Variants in PALLD observed in about 807,000 individuals in gnomAD.
PALLD encodes the protein palladin.
In PALLD, 61 loss-of-function variants were observed where a neutral mutation model predicts 123.5. The ratio of observed to expected loss-of-function variants is 0.49; its 90% CI spans 0.40 to 0.61. The LOEUF (loss-of-function observed/expected upper bound fraction) is 0.61, where lower values mean the gene tolerates loss of function less well. PALLD is among the 20% of genes least tolerant of loss of function. PALLD has a pLI of 0.00. For synonymous variants in PALLD, 465 were observed against 496.4 expected (o/e 0.94, Z 0.84); for missense variants, 1,273 against 1,377.0 (o/e 0.92, Z 1.20).
chr4:168,548,678 A>G (rs1766422501), intron 2 of PALLD, among the ~76,000 whole-genome samples: 1 of 152,246 alleles, frequency 6.6e-6, no homozygotes, highest in Admixed American at 6.5e-5. Flanking sequence ...TGAAGTTCAA[A>G]GCTCTGGGGA....
chr4:168,751,178 A>T (rs1047413442), intron 10 of PALLD, among the ~76,000 whole-genome samples: 2 of 151,640 alleles, frequency 1.3e-5, no homozygotes, highest in Non-Finnish European at 2.9e-5. Context: ...ATGCCTGGCT[A>T]ATTTTGTATT....
intron 2 of PALLD, among the ~76,000 whole-genome samples, chr4:168,521,303 A>G (rs1763540066): frequency 6.6e-6 from 1 of 152,190 alleles, no homozygotes; most frequent in Non-Finnish European, 1.5e-5. Context: ...GAGGTTCTAG[A>G]ATCAGAATGT....
chr4:168,515,787 A>G (rs1561198025), intron 2 of PALLD, among the ~76,000 whole-genome samples: 1 of 152,228 alleles, frequency 6.6e-6, no homozygotes, highest in Non-Finnish European at 1.5e-5. Flanking sequence ...GCAGAATCTT[A>G]GTGACTCAAC....
chr4:168,536,945 A>G lies in PALLD; in HGVS notation c.908+24533A>G, dbSNP rs191288579. On this transcript the variant is annotated intron_variant, in intron 2 of 21. Coordinates refer to ENST00000505667, the MANE Select transcript of PALLD (RefSeq NM_001166108.2). ...GGGGTTCAAGCTATTCTCCTGCCTC[A>G]GCCTCCCGAGTAGCTGGGACTATAG... 8.1e-3 allele frequency among the ~76,000 whole-genome samples: 1,228 copies of G among 151,350 alleles called. 9 individuals carry two copies. Among genetic ancestry groups the G allele is most frequent in the Middle Eastern group, 0.027 (8 of 292 alleles).
At chr4:168,723,109 G>A (rs1786186085) in intron 10 of PALLD, among the ~76,000 whole-genome samples, 1 of 152,208 alleles carries the variant, frequency 6.6e-6, no homozygotes, top group African/African-American at 2.4e-5. Context: ...CGCAGGAGCA[G>A]AGGAAGTGGT....
chr4:168,799,479 G>T (rs2150669631), intron 10 of PALLD, among the ~76,000 whole-genome samples: 1 of 152,272 alleles, frequency 6.6e-6, no homozygotes, highest in East Asian at 1.9e-4. Context: ...TTGAACTTAT[G>T]AGCAAATCCC....
chr4:168,861,117 A>G (rs557220972), intron 10 of PALLD, among the ~76,000 whole-genome samples: 1 of 152,362 alleles, frequency 6.6e-6, no homozygotes, highest in African/African-American at 2.4e-5. Flanking sequence ...GCCAAGGCAA[A>G]CGAATTAAAA....
At chr4:168,766,008 G>T (rs1394531474) in intron 10 of PALLD, among the ~76,000 whole-genome samples, 1 of 152,204 alleles carries the variant, frequency 6.6e-6, no homozygotes, top group Non-Finnish European at 1.5e-5. Context: ...ATGGCTCTGG[G>T]CACACCCATA....
chr4:168,574,431 T>C (rs1314944583), intron 2 of PALLD, among the ~76,000 whole-genome samples: 1 of 152,186 alleles, frequency 6.6e-6, no homozygotes, highest in African/African-American at 2.4e-5. Context: ...CTTGTTATTC[T>C]CATCTTCAAA....
chr4:168,702,754 C>T (rs1783797929), intron 8 of PALLD, among the ~76,000 whole-genome samples: 1 of 151,970 alleles, frequency 6.6e-6, no homozygotes, highest in African/African-American at 2.4e-5. Flanking sequence ...CTATGGCTAA[C>T]CACACTTTTA....
intron 5 of PALLD, among the ~76,000 whole-genome samples, chr4:168,684,373 C>T (rs1406390556): frequency 6.6e-6 from 1 of 152,192 alleles, no homozygotes; most frequent in Non-Finnish European, 1.5e-5. Flanking sequence ...GAAACTCCAT[C>T]GCTTTATTAT....
chr4:168,826,146 C>T (rs1236928200), intron 10 of PALLD, among the ~76,000 whole-genome samples: 1 of 152,102 alleles, frequency 6.6e-6, no homozygotes, highest in Non-Finnish European at 1.5e-5. Context: ...GTGGATGATT[C>T]CTTCAGAGCC....
rs375920477 is a variant in PALLD, at chr4:168,636,813, G to A, written c.909-31377G>A. Among the ~76,000 whole-genome samples, 16 of 152,258 alleles carry A rather than the reference G, an allele frequency of 1.1e-4. 1 individual carries two copies. The highest frequency in any genetic ancestry group is 3.9e-4 in the African/African-American group (16 of 41,556). The stretch of plus-strand genomic sequence containing the variant: ...CCCCAGAGAGTGTCCAAGTGCATTT[G>A]GGAGTGAGAAAGAAACGAGGAGCTA... On this transcript the variant is annotated intron_variant, in intron 2 of 21. Transcript: ENST00000505667.
intron 13 of PALLD, among the ~76,000 whole-genome samples, chr4:168,897,516 G>A (rs554065544): frequency 2.6e-5 from 4 of 152,200 alleles, no homozygotes; most frequent in Admixed American, 6.5e-5. Flanking sequence ...GCACAATCAC[G>A]GCCCACTGCA....
intron 10 of PALLD, among the ~76,000 whole-genome samples, chr4:168,731,617 A>G (rs1015039197): frequency 1.3e-5 from 2 of 152,264 alleles, no homozygotes; most frequent in Admixed American, 1.3e-4. Flanking sequence ...TTTGACGCAC[A>G]TATAGAAAGT....
intron 10 of PALLD, among the ~76,000 whole-genome samples, chr4:168,808,551 C>T (rs1303391045): frequency 6.6e-6 from 1 of 152,136 alleles, no homozygotes; most frequent in East Asian, 1.9e-4. Context: ...GAAGCACATC[C>T]AGAGAAGCTT....
intron 8 of PALLD, among the ~76,000 whole-genome samples, chr4:168,702,414 C>T (rs1358213001): frequency 6.6e-6 from 1 of 152,006 alleles, no homozygotes; most frequent in Non-Finnish European, 1.5e-5. Flanking sequence ...GTTAGCTGGG[C>T]ATGGTGGTGT....
chr4:168,575,348 C>G (rs1029745076), intron 2 of PALLD, among the ~76,000 whole-genome samples: 2 of 151,960 alleles, frequency 1.3e-5, no homozygotes, highest in African/African-American at 4.8e-5. Context: ...GAAGCAGGCA[C>G]ATCTTACATG....
At chr4:168,775,818 T>C (rs1356233055) in intron 10 of PALLD, among the ~76,000 whole-genome samples, 1 of 152,222 alleles carries the variant, frequency 6.6e-6, no homozygotes, top group Non-Finnish European at 1.5e-5. Context: ...TAGATTGCCT[T>C]TGTAACTTTG....
Sources: allele counts gnomAD v4.1 joint callset (sites outside exome capture counted in the v4.1 genomes callset), GRCh38; gene constraint gnomAD v4.1.1; transcripts MANE v1.5; gene names NCBI Gene and HGNC (gene_info 2026-07-23, HGNC 2026-07-21).